Variants in PCDH9 observed in about 807,000 individuals in gnomAD.
PCDH9 encodes the protein protocadherin 9.
In PCDH9, 24 loss-of-function variants were observed where a neutral mutation model predicts 70.6. The observed-to-expected ratio is 0.34, with a 90% confidence interval of 0.25 to 0.48. PCDH9 has a LOEUF of 0.48. Ranked by LOEUF, PCDH9 falls within the 20% of genes least tolerant of loss-of-function variation. PCDH9 has a pLI of 0.99. For synonymous variants in PCDH9, 562 were observed against 558.5 expected, an observed-to-expected ratio of 1.01 and a Z score of -0.09; for missense variants, 1,281 against 1,503.6, an observed-to-expected ratio of 0.85 and a Z score of 2.45.
chr13:67,214,929 G>A (rs1376698524), intron 2 of PCDH9: 1 of 50,704 alleles, frequency 2.0e-5, no homozygotes, highest in Non-Finnish European at 4.7e-5. Context: ...TGGCTATTGC[G>A]AGCCAGATAT....
chr13:66,766,796 T>C (rs1594031353), intron 3 of PCDH9, among the ~76,000 whole-genome samples: 1 of 152,074 alleles, frequency 6.6e-6, no homozygotes, highest in African/African-American at 2.4e-5. Flanking sequence ...GTTGACTGTA[T>C]AAAACAGCAA....
At chr13:66,918,123 C>T (rs9564360) in intron 2 of PCDH9, among the ~76,000 whole-genome samples, 1 of 151,000 alleles carries the variant, frequency 6.6e-6, no homozygotes, top group Non-Finnish European at 1.5e-5. Context: ...TAGAGTATAA[C>T]AGAATCCAAC....
intron 2 of PCDH9, among the ~76,000 whole-genome samples, chr13:67,034,711 T>C (rs896477535): frequency 6.6e-6 from 1 of 151,892 alleles, no homozygotes; most frequent in Admixed American, 6.6e-5. Context: ...GGGGTATATG[T>C]ACAGGTTTGT....
chr13:66,663,604 C>G (rs1231966892), intron 3 of PCDH9, among the ~76,000 whole-genome samples: 1 of 152,136 alleles, frequency 6.6e-6, no homozygotes, highest in African/African-American at 2.4e-5. Context: ...CTGCATATAT[C>G]TTGACACTAA....
At chr13:66,403,288 A>AC (rs1224513769) in intron 4 of PCDH9, among the ~76,000 whole-genome samples, 1 of 150,152 alleles carries the variant, frequency 6.7e-6, no homozygotes. Context: ...TACAGGCACC[A>AC]CCATGCCTGG....
chr13:66,737,237 T>C (rs2079164818), intron 3 of PCDH9, among the ~76,000 whole-genome samples: 1 of 152,192 alleles, frequency 6.6e-6, no homozygotes, highest in Admixed American at 6.5e-5. Context: ...CGTGATTGCT[T>C]GCATTTTGGT....
chr13:66,845,542 C>T (rs1401363400), intron 3 of PCDH9, among the ~76,000 whole-genome samples: 1 of 152,144 alleles, frequency 6.6e-6, no homozygotes, highest in Non-Finnish European at 1.5e-5. Context: ...GCTATAGCTG[C>T]GACTGGGAAG....
intron 3 of PCDH9, among the ~76,000 whole-genome samples, chr13:66,682,478 T>A (rs1424312865): frequency 3.3e-5 from 5 of 152,136 alleles, no homozygotes; most frequent in Admixed American, 3.3e-4. Context: ...ATGTATTGTT[T>A]CTGCTGTTCA....
rs369769235 is a variant in PCDH9, at chr13:66,304,858, C to T, written c.3511G>A (p.Asp1171Asn). ...AGGGTGTGCCCATTCACAAGCTTGT[C>T]CTTCTTCACCCATTCTTTCTGGGGT... ...FAPQKEWVKKDKLVNGHTLTR... is the reference protein window; with the variant it reads ...FAPQKEWVKKNKLVNGHTLTR... The change falls in exon 5 of 5, where the codon GAC (aspartate) becomes AAC (asparagine). Residue 1171 changes from aspartate (D) to asparagine (N), a missense_variant. Around this residue, in one of 4 missense-constraint regions of PCDH9, gnomAD observed 264 missense variants for 278.8 expected, o/e 0.95. Transcript: ENST00000377865. 22 of 1,613,458 alleles carry T rather than the reference C, an allele frequency of 1.4e-5. No individual in the cohort carries two copies. In the African/African-American group the frequency reaches 2.7e-4, roughly 20 times the overall value.
chr13:66,868,803 T>C (rs1348296776), intron 3 of PCDH9, among the ~76,000 whole-genome samples: 3 of 152,124 alleles, frequency 2.0e-5, no homozygotes, highest in Non-Finnish European at 4.4e-5. Flanking sequence ...TAGTTGTATA[T>C]CAGACTTAGT....
intron 2 of PCDH9, among the ~76,000 whole-genome samples, chr13:67,018,861 A>G (rs2084617665): frequency 6.6e-6 from 1 of 152,058 alleles, no homozygotes. Flanking sequence ...TCACATTCAC[A>G]ACTCAAAACC....
chr13:66,560,844 C>T (rs539002027), intron 4 of PCDH9, among the ~76,000 whole-genome samples: 16 of 152,328 alleles, frequency 1.1e-4, no homozygotes, highest in Admixed American at 1.0e-3. Flanking sequence ...TTCCAGAAGT[C>T]CGGAATTCTA....
chr13:66,671,167 T>C (rs949675826), intron 3 of PCDH9, among the ~76,000 whole-genome samples: 1 of 152,150 alleles, frequency 6.6e-6, no homozygotes, highest in Non-Finnish European at 1.5e-5. Flanking sequence ...ACCTTGCTCC[T>C]CCTTCGCCTT....
chr13:66,634,669 T>G (rs2077614695), intron 3 of PCDH9, among the ~76,000 whole-genome samples: 1 of 152,210 alleles, frequency 6.6e-6, no homozygotes, highest in South Asian at 2.1e-4. Flanking sequence ...TATGCAATAC[T>G]TGATACATTG....
chr13:67,181,112 C>T (rs1250793340), intron 2 of PCDH9, among the ~76,000 whole-genome samples: 5 of 152,050 alleles, frequency 3.3e-5, no homozygotes, highest in African/African-American at 4.8e-5. Context: ...ACCTTAGGTG[C>T]GGTCCTCTAT....
chr13:66,481,973 A>G (rs1297616502), intron 4 of PCDH9, among the ~76,000 whole-genome samples: 1 of 151,764 alleles, frequency 6.6e-6, no homozygotes, highest in Non-Finnish European at 1.5e-5. Flanking sequence ...CACAAAATCA[A>G]TCAATCAACA....
chr13:66,784,821 C>T (rs1431653466), intron 3 of PCDH9, among the ~76,000 whole-genome samples: 1 of 151,824 alleles, frequency 6.6e-6, no homozygotes, highest in Admixed American at 6.6e-5. Context: ...AAAATATAGC[C>T]CTGAGGTAAA....
Position 67,155,521 on chromosome 13 carries a change from G to A in PCDH9, c.3036+69884C>T, listed in dbSNP as rs373239520. 2.6e-4 allele frequency among the ~76,000 whole-genome samples: 39 copies of A among 152,246 alleles called. No individual in the cohort carries two copies. In the East Asian group the frequency reaches 6.6e-3, roughly 26 times the overall value. ...AAACTTATGAAAAACAACTATTGTT[G>A]CATTTTTAAAATAACAAGGGAGCAT... On this transcript the variant is annotated intron_variant, in intron 2 of 4. Coordinates refer to ENST00000377865, the MANE Select transcript of PCDH9 (RefSeq NM_203487.3).
intron 4 of PCDH9, among the ~76,000 whole-genome samples, chr13:66,437,403 T>TAAAAAAAAAA (rs1957890049): frequency 5.2e-4 from 1 of 1,916 alleles, no homozygotes; most frequent in African/African-American, 8.4e-4. Context: ...AGACTCTGTC[T>TAAAAAAAAAA]CAAAAAAAAA....
Sources: allele counts gnomAD v4.1 joint callset (sites outside exome capture counted in the v4.1 genomes callset), GRCh38; gene constraint gnomAD v4.1.1; regional missense constraint gnomAD v4.1.1; transcripts MANE v1.5; gene names NCBI Gene and HGNC (gene_info 2026-07-23, HGNC 2026-07-21).